ATAD3B: variants seen among roughly 807,000 people sequenced by gnomAD.
The protein encoded by ATAD3B is ATPase family AAA domain-containing protein 3B.
ATAD3B carries 59 observed loss-of-function variants against 70.2 expected under a neutral mutation model. The observed-to-expected ratio is 0.84, with a 90% CI of 0.68 to 1.04. ATAD3B has a LOEUF of 1.04. Ranked by LOEUF, ATAD3B falls within the 50% of genes least tolerant of loss-of-function variation. The pLI, the probability that ATAD3B is intolerant of heterozygous loss-of-function variation, is 0.00. For missense variants in ATAD3B, 961 were observed against 913.4 expected, an observed-to-expected ratio of 1.05 and a Z score of -0.67; for synonymous variants, 423 against 388.6, an observed-to-expected ratio of 1.09 and a Z score of -1.04.
chr1:1,490,784 G>GT, intron 15 of ATAD3B, 113 bp downstream of exon 15: 1 of 1,498,064 alleles, frequency 6.7e-7, no homozygotes, highest in East Asian at 2.5e-5. Flanking sequence ...CTGTTGAGGG[G>GT]TTTTCAGTGC....
At chr1:1,478,524 C>T (rs1391476625) in intron 2 of ATAD3B, 120 bp from the exon 3 acceptor site, 1 of 1,549,924 alleles carries the variant, frequency 6.5e-7, no homozygotes, top group Non-Finnish European at 8.7e-7. Context: ...CCTGAACCTG[C>T]TGCACACACT....
chr1:1,475,432 T>C (rs187636420), intron 1 of ATAD3B, among the ~76,000 whole-genome samples: 2 of 151,650 alleles, frequency 1.3e-5, no homozygotes, highest in East Asian at 3.9e-4. Flanking sequence ...CCTGGCTTCC[T>C]CCGTGCCCCT....
chr1:1,488,286 GT>G, intron 12 of ATAD3B, among the ~76,000 whole-genome samples: 1 of 151,926 alleles, frequency 6.6e-6, no homozygotes, highest in East Asian at 1.9e-4. Flanking sequence ...CAGGGTGTCT[GT>G]CGCCCAGGCT....
At chr1:1,490,945 C>T (rs1407283644) in intron 15 of ATAD3B, among the ~76,000 whole-genome samples, 2 of 151,942 alleles carry the variant, frequency 1.3e-5, no homozygotes, top group Non-Finnish European at 2.9e-5. Context: ...GGTGCCCGGG[C>T]TCTGCTGGGT....
At chr1:1,506,391 A>G in the ATAD3B span, among the ~76,000 whole-genome samples, 1 of 150,636 alleles carries the variant, frequency 6.6e-6, no homozygotes, top group African/African-American at 2.4e-5. Flanking sequence ...TCTCTTAGCA[A>G]TGTTGTCTGG....
chr1:1,495,829 G>T lies in ATAD3B; in HGVS notation c.*12G>T, dbSNP rs1640764139. 2 of 1,541,070 alleles carry T rather than the reference G, an allele frequency of 1.3e-6. No individual in the cohort carries two copies. Among genetic ancestry groups the T allele is most frequent in the Non-Finnish European group, 1.7e-6 (2 of 1,145,852 alleles). On this transcript the variant is annotated 3_prime_UTR_variant, in exon 16 of 16. Transcript: ENST00000673477. Reference sequence around the variant, plus strand: ...ACCCCCTGTTGTAGGCACTGGCTAGGGAGGGGCAGGCCTCCTTCCTGCCCC... The same window carrying T: ...ACCCCCTGTTGTAGGCACTGGCTAGTGAGGGGCAGGCCTCCTTCCTGCCCC...
downstream of ATAD3B, among the ~76,000 whole-genome samples, chr1:1,502,600 C>G (rs1319237273): frequency 2.0e-5 from 3 of 150,438 alleles, no homozygotes; most frequent in Admixed American, 2.0e-4. Flanking sequence ...CAACCTCCGC[C>G]TCCCGGGTTC....
chr1:1,486,609 G>T lies in ATAD3B; in HGVS notation c.1155G>T (p.Gly385=). The T allele has an allele frequency of 6.2e-7, 1 of 1,611,350 alleles. No homozygotes were observed. The highest frequency in any genetic ancestry group is 8.5e-7 in the Non-Finnish European group (1 of 1,179,316). Residue 385 remains glycine (G), a synonymous_variant, in exon 11 of 16, where the codon GGG becomes GGT. Coordinates refer to ENST00000673477, the MANE Select transcript of ATAD3B (RefSeq NM_031921.6). ...IMTGGDVAPM[G]REGVTAMHKL... ...CAGGCGGGGACGTGGCCCCCATGGGGCGGGAAGGCGTGACCGCCATGCACA... is the reference window on the plus strand; with the variant it reads ...CAGGCGGGGACGTGGCCCCCATGGGTCGGGAAGGCGTGACCGCCATGCACA...
At chr1:1,502,036 G>A (rs1175276224), downstream of ATAD3B, among the ~76,000 whole-genome samples, 1 of 151,788 alleles carries the variant, frequency 6.6e-6, no homozygotes, top group Non-Finnish European at 1.5e-5. Context: ...CCACCACCAT[G>A]CCCAGCTAGT....
chr1:1,485,850 T>C lies in ATAD3B; in HGVS notation c.963+12T>C. 6.2e-7 allele frequency: 1 copy of C among 1,612,832 alleles called. No individual in the cohort carries two copies. Among genetic ancestry groups the C allele is most frequent in the South Asian group, 1.1e-5 (1 of 90,958 alleles). ...GTGTTGTGCTTAGTGTAAGTCGGTG[T>C]GCCTGGGACCGGGGAGGTGCAGGGA... is the stretch of plus-strand genomic sequence containing the variant. On this transcript the variant is annotated intron_variant, in intron 9 of 15. Transcript: ENST00000673477.
intron 5 of ATAD3B, among the ~76,000 whole-genome samples, chr1:1,481,921 G>A (rs974306623): frequency 2.6e-5 from 4 of 151,996 alleles, no homozygotes; most frequent in East Asian, 1.9e-4. Context: ...GCCGGTCCAC[G>A]GCATGGGCCT....
At chr1:1,500,134 G>C (rs1279109984), downstream of ATAD3B, among the ~76,000 whole-genome samples, 3 of 150,502 alleles carry the variant, frequency 2.0e-5, no homozygotes, top group Non-Finnish European at 3.0e-5. Context: ...CTGAGCTCAG[G>C]CGATCCACCC....
In ATAD3B at chr1:1,482,025, C is replaced by T. The variant is rs1263431412; in HGVS notation, c.515-113C>T. 30 of 1,459,316 alleles carry T rather than the reference C, an allele frequency of 2.1e-5. 1 individual carries two copies. The highest frequency in any genetic ancestry group is 1.9e-4 in the South Asian group (14 of 75,394). 90.4% of individuals were successfully genotyped at this position (1,459,316 alleles called of 1,614,324 possible). On this transcript the variant is annotated intron_variant, in intron 5 of 15. Coordinates refer to ENST00000673477, the MANE Select transcript of ATAD3B (RefSeq NM_031921.6). ...GTCCGTGGCATGGGCCTGTCTGTGGCGTTGGTCTGTCCGTGGCGTGGGCCG... is the reference window on the plus strand; with the variant it reads ...GTCCGTGGCATGGGCCTGTCTGTGGTGTTGGTCTGTCCGTGGCGTGGGCCG...
chr1:1,495,162 G>A (rs879535968), intron 15 of ATAD3B, among the ~76,000 whole-genome samples: 1 of 151,974 alleles, frequency 6.6e-6, no homozygotes, highest in Non-Finnish European at 1.5e-5. Context: ...GCTGAGACTC[G>A]CAGAGGGTCT....
the ATAD3B span, chr1:1,509,441 C>T: frequency 6.9e-5 from 110 of 1,596,196 alleles, 2 homozygotes; most frequent in South Asian, 7.8e-4. Flanking sequence ...AAATACTCCC[C>T]GTAATAAAGT....
At chr1:1,480,034 C>T (rs1168824781) in intron 4 of ATAD3B, among the ~76,000 whole-genome samples, 1 of 146,116 alleles carries the variant, frequency 6.8e-6, no homozygotes, top group Admixed American at 6.9e-5. Flanking sequence ...ACAACCCAGG[C>T]ACACACCCCC....
At chr1:1,500,035 C>A (rs139600744), downstream of ATAD3B, among the ~76,000 whole-genome samples, 877 of 151,206 alleles carry the variant, frequency 5.8e-3, 11 homozygotes, top group African/African-American at 0.02. Context: ...GTAGCTGGGA[C>A]TATAGGCACA....
chr1:1,498,932 C>A (rs541910029), downstream of ATAD3B, among the ~76,000 whole-genome samples: 8 of 151,542 alleles, frequency 5.3e-5, no homozygotes, highest in East Asian at 1.9e-4. Context: ...GGTTCTTATT[C>A]CTGACACAGG....
Position 1,493,086 on chromosome 1 carries a change from G to A in ATAD3B, c.1615-2399G>A, listed in dbSNP as rs189055119. Among the ~76,000 whole-genome samples the A allele has an allele frequency of 2.4e-4, 36 of 152,138 alleles. 1 individual carries two copies. In the East Asian group the frequency reaches 6.6e-3, roughly 28 times the overall value. On this transcript the variant is annotated intron_variant, in intron 15 of 15. Transcript: ENST00000673477. ...AGATCACGCCACAGCACTCCAGTCTGGGCGACAGAGCGAAACTGTCTCAAA... is the reference window on the plus strand; with the variant it reads ...AGATCACGCCACAGCACTCCAGTCTAGGCGACAGAGCGAAACTGTCTCAAA...
Sources: allele counts gnomAD v4.1 joint callset (sites outside exome capture counted in the v4.1 genomes callset), GRCh38; gene constraint gnomAD v4.1.1; transcripts MANE v1.5; gene names NCBI Gene and HGNC (gene_info 2026-07-23, HGNC 2026-07-21).